Variants in GRB10 observed in about 807,000 individuals in gnomAD.
The protein encoded by GRB10 is growth factor receptor-bound protein 10.
In GRB10, 20 loss-of-function variants were observed where a neutral mutation model predicts 80.9. The observed-to-expected ratio is 0.25, with a 90% CI of 0.17 to 0.36. The LOEUF is 0.36. Among genes scored for constraint, GRB10 ranks in the 10% least tolerant of loss-of-function variants. The pLI is 1.00. For synonymous variants in GRB10, 291 were observed against 291.5 expected, an observed-to-expected ratio of 1.00 and a Z score of 0.02; for missense variants, 548 against 747.7, an observed-to-expected ratio of 0.73 and a Z score of 3.12.
chr7:50,639,365 TAA>T (rs1311557583), intron 7 of GRB10, among the ~76,000 whole-genome samples: 2 of 152,236 alleles, frequency 1.3e-5, no homozygotes, highest in African/African-American at 4.8e-5. Flanking sequence ...TAGAAATAAC[TAA>T]AGAGTTCTTG....
intron 3 of GRB10, among the ~76,000 whole-genome samples, chr7:50,737,564 C>T (rs2071012652): frequency 1.3e-5 from 2 of 152,232 alleles, no homozygotes; most frequent in South Asian, 2.1e-4. Flanking sequence ...TAACAACAGA[C>T]TAGGCCGGGC....
At chr7:50,771,441 G>C (rs2076966712) in intron 2 of GRB10, among the ~76,000 whole-genome samples, 1 of 152,150 alleles carries the variant, frequency 6.6e-6, no homozygotes, top group African/African-American at 2.4e-5. Context: ...CCTGCCTCCT[G>C]CATAAGCCAC....
At chr7:50,595,046 G>A (rs1015700613) in intron 18 of GRB10, among the ~76,000 whole-genome samples, 20 of 152,050 alleles carry the variant, frequency 1.3e-4, no homozygotes, top group African/African-American at 3.6e-4. Flanking sequence ...CAGCTGCTGC[G>A]ACCTCAGCTA....
At chr7:50,712,227 C>A (rs188571488) in intron 4 of GRB10, among the ~76,000 whole-genome samples, 1 of 152,170 alleles carries the variant, frequency 6.6e-6, no homozygotes, top group African/African-American at 2.4e-5. Context: ...TGAGCCAGAG[C>A]CATTTTTCTC....
chr7:50,656,097 T>G (rs777265701), intron 7 of GRB10, among the ~76,000 whole-genome samples: 1 of 152,184 alleles, frequency 6.6e-6, no homozygotes, highest in Non-Finnish European at 1.5e-5. Flanking sequence ...ACCTAAAATC[T>G]ATCAGTGAAT....
At chr7:50,627,056 AG>A in intron 7 of GRB10, 78 bp from the exon 8 acceptor site, 1 of 1,464,478 alleles carries the variant, frequency 6.8e-7, no homozygotes, top group South Asian at 1.1e-5. Flanking sequence ...AAAAGAAAAC[AG>A]GTAAAGTAAA....
At chr7:50,785,288 A>G (rs1054078197), upstream of GRB10, among the ~76,000 whole-genome samples, 37 of 152,246 alleles carry the variant, frequency 2.4e-4, no homozygotes, top group African/African-American at 8.4e-4. Context: ...GGAAGACCCC[A>G]GACAGCTAAG....
chr7:50,660,709 T>C (rs1343238711), intron 7 of GRB10, among the ~76,000 whole-genome samples: 2 of 151,926 alleles, frequency 1.3e-5, no homozygotes, highest in African/African-American at 4.8e-5. Context: ...GATGCAGGTG[T>C]GAGGGGGGCC....
intron 3 of GRB10, among the ~76,000 whole-genome samples, 195 bp downstream of exon 3, chr7:50,755,692 C>T (rs2074971191): frequency 6.6e-6 from 1 of 152,188 alleles, no homozygotes; most frequent in African/African-American, 2.4e-5. Context: ...TGTTCCCAGG[C>T]AGAGCCGAGC....
chr7:50,710,946 C>T (rs767250627), intron 4 of GRB10: 37 of 1,593,856 alleles, frequency 2.3e-5, no homozygotes, highest in Non-Finnish European at 2.6e-5. Context: ...GTGGGTATCA[C>T]GTGGCTGTGT....
At chr7:50,719,083 A>G (rs1211007183) in intron 4 of GRB10, among the ~76,000 whole-genome samples, 1 of 150,846 alleles carries the variant, frequency 6.6e-6, no homozygotes, top group East Asian at 2.0e-4. Flanking sequence ...TTTTATCTAA[A>G]GAAAACAAGT....
At chr7:50,637,699 T>C (rs2055329313) in intron 7 of GRB10, among the ~76,000 whole-genome samples, 1 of 125,684 alleles carries the variant, frequency 8.0e-6, no homozygotes, top group African/African-American at 3.0e-5. Flanking sequence ...GAAAAAAAGA[T>C]TGTAAAGTTC....
intron 4 of GRB10, among the ~76,000 whole-genome samples, chr7:50,726,236 A>G (rs1009670807): frequency 6.6e-6 from 1 of 152,138 alleles, no homozygotes; most frequent in African/African-American, 2.4e-5. Context: ...CATCTCTGCT[A>G]AAAATACAAA....
At chr7:50,658,374 G>C (rs147704533) in intron 7 of GRB10, among the ~76,000 whole-genome samples, 4 of 152,262 alleles carry the variant, frequency 2.6e-5, no homozygotes, top group Non-Finnish European at 4.4e-5. Flanking sequence ...ATGAAATTTC[G>C]AGTCAAAGCA....
At chr7:50,712,131 A>G (rs2065988524) in intron 4 of GRB10, among the ~76,000 whole-genome samples, 1 of 152,236 alleles carries the variant, frequency 6.6e-6, no homozygotes, top group Non-Finnish European at 1.5e-5. Flanking sequence ...TGAACTTGGT[A>G]AAAGCTGCAG....
chr7:50,615,099 C>A (rs1340161936), intron 11 of GRB10, among the ~76,000 whole-genome samples: 2 of 152,206 alleles, frequency 1.3e-5, no homozygotes, highest in Non-Finnish European at 2.9e-5. Flanking sequence ...TTCTCAGACA[C>A]ACAAGGCTGT....
chr7:50,679,860 T>C (rs775842017), intron 5 of GRB10, among the ~76,000 whole-genome samples: 13 of 152,366 alleles, frequency 8.5e-5, no homozygotes, highest in South Asian at 6.2e-4. Context: ...TAGACCATGT[T>C]CACTTGGCAA....
At chr7:50,625,690 A>G (rs2052746959) in intron 8 of GRB10, among the ~76,000 whole-genome samples, 1 of 152,272 alleles carries the variant, frequency 6.6e-6, no homozygotes, top group Non-Finnish European at 1.5e-5. Flanking sequence ...TGCGTTTAGC[A>G]ATTGATAGAG....
chr7:50,659,124 TCTAG>T (rs1563324933), intron 7 of GRB10, among the ~76,000 whole-genome samples: 1 of 152,248 alleles, frequency 6.6e-6, no homozygotes, highest in Non-Finnish European at 1.5e-5. Flanking sequence ...TTTCAGATGC[TCTAG>T]CTTAGCTTGA....
Sources: allele counts gnomAD v4.1 joint callset (sites outside exome capture counted in the v4.1 genomes callset), GRCh38; gene constraint gnomAD v4.1.1; transcripts MANE v1.5; gene names NCBI Gene and HGNC (gene_info 2026-07-23, HGNC 2026-07-21).